RBMS3: variants seen among roughly 807,000 people sequenced by gnomAD.
The protein encoded by RBMS3 is RNA-binding motif, single-stranded-interacting protein 3.
RBMS3 carries 27 observed loss-of-function variants against 66.8 expected under a neutral mutation model. The ratio of observed to expected loss-of-function variants is 0.40; its 90% confidence interval spans 0.30 to 0.56. The LOEUF (loss-of-function observed/expected upper bound fraction) is 0.56. RBMS3 is among the 20% of genes least tolerant of loss of function. The pLI, the probability that RBMS3 is intolerant of heterozygous loss-of-function variation, is 0.40. For synonymous variants in RBMS3, 188 were observed against 183.0 expected, an observed-to-expected ratio of 1.03 and a Z score of -0.22; for missense variants, 513 against 549.5, an observed-to-expected ratio of 0.93 and a Z score of 0.66.
intron 6 of RBMS3, among the ~76,000 whole-genome samples, chr3:29,790,433 C>T (rs576669340): frequency 3.9e-5 from 6 of 151,932 alleles, no homozygotes; most frequent in African/African-American, 9.7e-5. Context: ...TTGTGTGGTT[C>T]GGTTCTATGA....
intron 6 of RBMS3, among the ~76,000 whole-genome samples, chr3:29,825,269 T>C (rs2058180872): frequency 6.6e-6 from 1 of 152,120 alleles, no homozygotes; most frequent in Non-Finnish European, 1.5e-5. Context: ...ACTCCTGACC[T>C]CAGGTTATCC....
chr3:29,958,369 A>C (rs1264043736), intron 12 of RBMS3, among the ~76,000 whole-genome samples: 1 of 152,112 alleles, frequency 6.6e-6, no homozygotes, highest in Non-Finnish European at 1.5e-5. Flanking sequence ...TCTCAAAGAA[A>C]TGTTTTTCCT....
chr3:29,420,899 T>C (rs1214252269), intron 1 of RBMS3, among the ~76,000 whole-genome samples: 1 of 150,100 alleles, frequency 6.7e-6, no homozygotes, highest in African/African-American at 2.5e-5. Context: ...GGTCAGGAGA[T>C]TGAGACCATC....
chr3:29,281,334 C>G lies in RBMS3; in HGVS notation c.-348C>G, dbSNP rs1024802887. On this transcript the variant is annotated 5_prime_UTR_variant, in exon 1 of 15. Coordinates refer to ENST00000383767, the MANE Select transcript of RBMS3 (RefSeq NM_001003793.3). ...TGATTTTTTTCCCCCTTTACGAACG[C>G]TGGCAATTGACATCACTACAGACAG... is the stretch of plus-strand genomic sequence containing the variant. 46 of 288,892 alleles carry G rather than the reference C, an allele frequency of 1.6e-4. No individual in the cohort carries two copies. Among genetic ancestry groups the G allele is most frequent in the Middle Eastern group, 8.9e-4 (1 of 1,118 alleles). The allele number at this position is 288,892 out of a possible 1,614,324, so 17.9% of individuals were successfully genotyped here.
chr3:29,603,546 G>A (rs1237797543), intron 4 of RBMS3, among the ~76,000 whole-genome samples: 1 of 151,952 alleles, frequency 6.6e-6, no homozygotes, highest in East Asian at 1.9e-4. Context: ...GGCATCCACT[G>A]ACACTATATG....
chr3:29,864,443 A>G (rs1049698582), intron 6 of RBMS3, among the ~76,000 whole-genome samples: 17 of 152,236 alleles, frequency 1.1e-4, no homozygotes, highest in Non-Finnish European at 1.9e-4. Context: ...TATAGCAAAC[A>G]AGAACCATTT....
chr3:29,457,420 C>A (rs947791383), intron 2 of RBMS3, among the ~76,000 whole-genome samples: 3 of 152,120 alleles, frequency 2.0e-5, no homozygotes, highest in Non-Finnish European at 4.4e-5. Flanking sequence ...AAGCCCAGAA[C>A]CCTTTAAAGA....
At chr3:29,678,673 C>T (rs914590045) in intron 4 of RBMS3, among the ~76,000 whole-genome samples, 2 of 152,010 alleles carry the variant, frequency 1.3e-5, no homozygotes, top group Admixed American at 1.3e-4. Flanking sequence ...TATTTTGTCA[C>T]CCATGAGGAG....
intron 12 of RBMS3, among the ~76,000 whole-genome samples, chr3:29,951,230 C>CA (rs1342407527): frequency 1.3e-5 from 2 of 151,766 alleles, no homozygotes; most frequent in African/African-American, 4.8e-5. Flanking sequence ...AGGAGAAGGA[C>CA]AAAATGAAAG....
chr3:29,601,847 CAG>C (rs1347674287), intron 4 of RBMS3, among the ~76,000 whole-genome samples: 1 of 152,014 alleles, frequency 6.6e-6, no homozygotes, highest in Non-Finnish European at 1.5e-5. Flanking sequence ...CAAGATAAAA[CAG>C]AAGAGGAGAC....
chr3:29,765,420 C>A (rs1267145244), intron 6 of RBMS3, among the ~76,000 whole-genome samples: 1 of 151,890 alleles, frequency 6.6e-6, no homozygotes, highest in Non-Finnish European at 1.5e-5. Context: ...ATTTCCGAAT[C>A]TTTTTCATTA....
At chr3:29,687,567 C>G (rs1443349586) in intron 4 of RBMS3, among the ~76,000 whole-genome samples, 2 of 152,170 alleles carry the variant, frequency 1.3e-5, no homozygotes, top group Admixed American at 6.5e-5. Flanking sequence ...CTTCATTAGA[C>G]AAGCGAAGCT....
chr3:29,573,989 T>C (rs1428817822), intron 3 of RBMS3, among the ~76,000 whole-genome samples: 1 of 152,218 alleles, frequency 6.6e-6, no homozygotes, highest in Non-Finnish European at 1.5e-5. Flanking sequence ...ACATAATCTA[T>C]CCTAGAGAAT....
chr3:29,350,611 G>A (rs1473353977), intron 1 of RBMS3, among the ~76,000 whole-genome samples: 3 of 151,994 alleles, frequency 2.0e-5, no homozygotes, highest in African/African-American at 7.2e-5. Context: ...CTCTCTCCTG[G>A]GACAAAGCTT....
At chr3:29,379,090 C>G (rs542729295) in intron 1 of RBMS3, among the ~76,000 whole-genome samples, 11 of 152,254 alleles carry the variant, frequency 7.2e-5, no homozygotes, top group African/African-American at 2.4e-4. Context: ...GTGCTTTCCT[C>G]TTGAGTTTCC....
In RBMS3 at chr3:29,942,728, A is replaced by G. The variant is rs140575700; in HGVS notation, c.1051-1479A>G. Among the ~76,000 whole-genome samples, 1,323 of 151,596 alleles carry G rather than the reference A, an allele frequency of 8.7e-3. 19 individuals carry two copies. Among genetic ancestry groups the G allele is most frequent in the African/African-American group, 0.03 (1,254 of 41,398 alleles). On this transcript the variant is annotated intron_variant, in intron 11 of 14. Coordinates refer to ENST00000383767, the MANE Select transcript of RBMS3 (RefSeq NM_001003793.3). ...ATTATCCAGCTATTCAGCAATAAAC[A>G]TTATTGGCTTTTATTATTTATTTTA...
At chr3:29,882,987 TTAAG>T (rs1463598928) in intron 7 of RBMS3, among the ~76,000 whole-genome samples, 46 of 152,192 alleles carry the variant, frequency 3.0e-4, no homozygotes, top group African/African-American at 1.0e-3. Flanking sequence ...TTGTTATATT[TTAAG>T]TAATTATAGT....
chr3:29,969,952 T>G (rs1697117987), intron 12 of RBMS3, among the ~76,000 whole-genome samples: 1 of 152,290 alleles, frequency 6.6e-6, no homozygotes, highest in Non-Finnish European at 1.5e-5. Context: ...CTGTCTTGTT[T>G]TATAAATATC....
At chr3:29,679,825 A>G (rs2051414350) in intron 4 of RBMS3, among the ~76,000 whole-genome samples, 1 of 151,152 alleles carries the variant, frequency 6.6e-6, no homozygotes, top group African/African-American at 2.5e-5. Context: ...AAACATATTG[A>G]CTCACCCCAT....
Sources: allele counts gnomAD v4.1 joint callset (sites outside exome capture counted in the v4.1 genomes callset), GRCh38; gene constraint gnomAD v4.1.1; transcripts MANE v1.5; gene names NCBI Gene and HGNC (gene_info 2026-07-23, HGNC 2026-07-21).